CFL2: variants seen among roughly 807,000 people sequenced by gnomAD.
The protein encoded by CFL2 is cofilin 2, also known as cofilin-2.
Under a neutral mutation model 19.6 loss-of-function variants are expected in CFL2, and 10 were observed. That is an observed-to-expected ratio of 0.51 (90% CI 0.31 to 0.86). CFL2 has a LOEUF of 0.86. CFL2 is among the 40% of genes least tolerant of loss of function. The pLI is 0.04. For missense variants in CFL2, 125 were observed against 192.1 expected, an observed-to-expected ratio of 0.65 and a Z score of 2.06; for synonymous variants, 63 against 66.7, an observed-to-expected ratio of 0.95 and a Z score of 0.27.
intron 1 of CFL2, 70 bp from the exon 2 acceptor site, chr14:34,713,631 G>T (rs776037605): frequency 6.2e-7 from 1 of 1,613,934 alleles, no homozygotes; most frequent in East Asian, 2.2e-5. Flanking sequence ...TGTTTGCCTA[G>T]AGAAGACTCA....
In CFL2 at chr14:34,714,552, C is replaced by T. The variant is rs777814896; in HGVS notation, c.-12G>A. On this transcript the variant is annotated 5_prime_UTR_variant, in exon 1 of 4. Transcript: ENST00000298159. ...GCTCGTCTTACCATAGTGCCCTCGG[C>T]TGTGGCTGCGGCGGCAGCTCGGGCT... 9 of 1,587,234 alleles carry T rather than the reference C, an allele frequency of 5.7e-6. No homozygotes were observed. In the Admixed American group the frequency reaches 8.6e-5, roughly 15 times the overall value.
intron 1 of CFL2, chr14:34,713,842 G>C: frequency 6.5e-7 from 1 of 1,544,388 alleles, no homozygotes; most frequent in Non-Finnish European, 8.7e-7. Flanking sequence ...ATTTCACTGG[G>C]TGATGTCAGA....
rs994516136 is a variant in CFL2, at chr14:34,710,197, A to C, written c.*2668T>G. On this transcript the variant is annotated 3_prime_UTR_variant, in exon 4 of 4. Coordinates refer to ENST00000298159, the MANE Select transcript of CFL2 (RefSeq NM_138638.5). ...AATGCTGGCCACACTATTTTAGATA[A>C]TGATGGAAAACAACAGCTGATAGCC... The C allele has an allele frequency of 5.3e-6, 1 of 188,442 alleles. No individual in the cohort carries two copies. The highest frequency in any genetic ancestry group is 2.4e-5 in the African/African-American group (1 of 41,754). 11.7% of individuals were successfully genotyped at this position (188,442 alleles called of 1,614,324 possible).
chr14:34,711,599 C>A lies in CFL2; in HGVS notation c.*1266G>T, dbSNP rs964377781. On this transcript the variant is annotated 3_prime_UTR_variant, in exon 4 of 4. Transcript: ENST00000298159. ...ATTTTACAAATTATTTTCATTACGACCAAATAAGCAATAAGAGCTTCCTGC... is the reference window on the plus strand; with the variant it reads ...ATTTTACAAATTATTTTCATTACGAACAAATAAGCAATAAGAGCTTCCTGC... 1 of 453,538 alleles carries A rather than the reference C, an allele frequency of 2.2e-6. No homozygotes were observed. The highest frequency in any genetic ancestry group is 4.4e-6 in the Non-Finnish European group (1 of 226,334). The allele number at this position is 453,538 out of a possible 1,614,324, so 28.1% of individuals were successfully genotyped here. A position where few individuals can be genotyped will look rare whatever the true frequency, so the allele number is the denominator to read the frequency against.
In CFL2 at chr14:34,711,264, C is replaced by A; in HGVS notation, c.*1601G>T. ...GGGTTAAGTTCTGAGCCACGACTGA[C>A]TGCTTACTAGCATGCCTGTTTTGCA... On this transcript the variant is annotated 3_prime_UTR_variant, in exon 4 of 4. Transcript: ENST00000298159. 1 of 454,534 alleles carries A rather than the reference C, an allele frequency of 2.2e-6. No individual in the cohort carries two copies. Among genetic ancestry groups the A allele is most frequent in the Non-Finnish European group, 4.4e-6 (1 of 226,796 alleles). The allele number at this position is 454,534 out of a possible 1,614,324, so 28.2% of individuals were successfully genotyped here.
intron 1 of CFL2, chr14:34,713,922 G>A (rs1885407118): frequency 9.7e-7 from 1 of 1,035,294 alleles, no homozygotes; most frequent in Middle Eastern, 3.2e-4. Flanking sequence ...AAACACTTTT[G>A]GATTTCAGTT....
rs1199776677 is a variant in CFL2, at chr14:34,711,747, C to T, written c.*1118G>A. The T allele has an allele frequency of 2.3e-6, 1 of 442,334 alleles. No individual in the cohort carries two copies. Among genetic ancestry groups the T allele is most frequent in the Non-Finnish European group, 4.5e-6 (1 of 223,656 alleles). The allele number at this position is 442,334 out of a possible 1,614,324, so 27.4% of individuals were successfully genotyped here. ...CAAAGTGCAAAAAATAATTTCTGAT[C>T]TTCATATTAACACATAGGAAATAAA... On this transcript the variant is annotated 3_prime_UTR_variant, in exon 4 of 4. Coordinates refer to ENST00000298159, the MANE Select transcript of CFL2 (RefSeq NM_138638.5).
At position 34,711,771 on chromosome 14, in the gene CFL2, A is replaced by C. The variant is rs766852757; in HGVS notation, c.*1094T>G. The C allele has an allele frequency of 4.3e-5, 19 of 443,936 alleles. 1 individual carries two copies. The highest frequency in any genetic ancestry group is 3.1e-4 in the South Asian group (19 of 61,378). 27.5% of individuals were successfully genotyped at this position (443,936 alleles called of 1,614,324 possible). A position where few individuals can be genotyped will look rare whatever the true frequency, so the allele number is the denominator to read the frequency against. On this transcript the variant is annotated 3_prime_UTR_variant, in exon 4 of 4. Transcript: ENST00000298159. ...TCTTCATATTAACACATAGGAAATA[A>C]ATACACTAATGTTTATAAAAGTACC... is the stretch of plus-strand genomic sequence containing the variant.
In CFL2 at chr14:34,711,882, TCA is replaced by T. The variant is rs1478057145; in HGVS notation, c.*981_*982del. The T allele has an allele frequency of 6.6e-6, 3 of 454,292 alleles. No individual in the cohort carries two copies. The highest frequency in any genetic ancestry group is 1.3e-5 in the Non-Finnish European group (3 of 226,750). 28.1% of individuals were successfully genotyped at this position (454,292 alleles called of 1,614,324 possible). Reference sequence around the variant, plus strand: ...ATAGATCCAACAAATCTGGAAAATATCACACATGAATGCTGTACAAAAAAAAT... The same window carrying T: ...ATAGATCCAACAAATCTGGAAAATATCACATGAATGCTGTACAAAAAAAAT... On this transcript the variant is annotated 3_prime_UTR_variant, in exon 4 of 4. Coordinates refer to ENST00000298159, the MANE Select transcript of CFL2 (RefSeq NM_138638.5).
At chr14:34,714,089 G>C in intron 1 of CFL2, 1 of 371,758 alleles carries the variant, frequency 2.7e-6, no homozygotes, top group East Asian at 5.2e-5. Flanking sequence ...AAGCTTTTAC[G>C]GCGAGAAAGC....
Position 34,713,573 on chromosome 14 carries a change from C to T in CFL2, c.4-12G>A. The stretch of plus-strand genomic sequence containing the variant: ...GTAACTCCAGAAGCCTGAAAATAAA[C>T]ACAGAACAGTAATTCAGAACACGTA... On this transcript the variant is annotated splice_polypyrimidine_tract_variant and intron_variant, in intron 1 of 3. Coordinates refer to ENST00000298159, the MANE Select transcript of CFL2 (RefSeq NM_138638.5). 2 of 1,614,052 alleles carry T rather than the reference C, an allele frequency of 1.2e-6. No homozygotes were observed. The highest frequency in any genetic ancestry group is 1.7e-6 in the Non-Finnish European group (2 of 1,180,000).
chr14:34,709,145 CTACT>C lies in CFL2; in HGVS notation c.*3716_*3719del, dbSNP rs1186497625. 1 of 152,026 alleles carries C rather than the reference CTACT, an allele frequency of 6.6e-6. No homozygotes were observed. Among genetic ancestry groups the C allele is most frequent in the East Asian group, 1.9e-4 (1 of 5,184 alleles). The allele number at this position is 152,026 out of a possible 1,614,324, so 9.4% of individuals were successfully genotyped here. Reference sequence around the variant, plus strand: ...TTTAACAAAAACATTTAATATTTATCTACTTACATACAGTAATTAAGAATGAATA... The same window carrying C: ...TTTAACAAAAACATTTAATATTTATCTACATACAGTAATTAAGAATGAATA... On this transcript the variant is annotated 3_prime_UTR_variant, in exon 4 of 4. Transcript: ENST00000298159.
intron 1 of CFL2, chr14:34,714,302 G>T: frequency 2.3e-6 from 1 of 432,770 alleles, no homozygotes; most frequent in Non-Finnish European, 3.8e-6. Context: ...GCCCGGCCCC[G>T]ACCCCCAACC....
chr14:34,713,231 T>C (rs1885375899), intron 2 of CFL2, 23 bp downstream of exon 2: 11 of 1,604,218 alleles, frequency 6.9e-6, no homozygotes, highest in Non-Finnish European at 9.4e-6. Flanking sequence ...TTAAAAGTAC[T>C]TTTTTCTTTT....
At position 34,712,461 on chromosome 14, in the gene CFL2, AG is replaced by A. The variant is rs1272466849; in HGVS notation, c.*403del. The A allele has an allele frequency of 6.6e-6, 3 of 456,592 alleles. No homozygotes were observed. The highest frequency in any genetic ancestry group is 1.3e-5 in the Non-Finnish European group (3 of 228,336). The allele number at this position is 456,592 out of a possible 1,614,324, so 28.3% of individuals were successfully genotyped here. On this transcript the variant is annotated 3_prime_UTR_variant, in exon 4 of 4. Coordinates refer to ENST00000298159, the MANE Select transcript of CFL2 (RefSeq NM_138638.5). The stretch of plus-strand genomic sequence containing the variant: ...CTCAAGCCTCACAGAACTGCAATCA[AG>A]TGCCAACTATAAATAATACTGAAAA...
At position 34,709,626 on chromosome 14, in the gene CFL2, A is replaced by AG. The variant is rs1885218625; in HGVS notation, c.*3238_*3239insC. ...TCAGTCTCTACAAAAGAGATACAAA[A>AG]AAAAAAAAAAAAAAAATTAGGCATG... is the stretch of plus-strand genomic sequence containing the variant. On this transcript the variant is annotated 3_prime_UTR_variant, in exon 4 of 4. Transcript: ENST00000298159. The AG allele has an allele frequency of 6.7e-6, 1 of 149,574 alleles. No homozygotes were observed. Among genetic ancestry groups the AG allele is most frequent in the Admixed American group, 6.7e-5 (1 of 14,944 alleles). 9.3% of individuals were successfully genotyped at this position (149,574 alleles called of 1,614,324 possible).
rs1885210777 is a variant in CFL2, at chr14:34,709,352, G to T, written c.*3513C>A. The T allele has an allele frequency of 6.6e-6, 1 of 152,042 alleles. No individual in the cohort carries two copies. 9.4% of individuals were successfully genotyped at this position (152,042 alleles called of 1,614,324 possible). A position where few individuals can be genotyped will look rare whatever the true frequency, so the allele number is the denominator to read the frequency against. On this transcript the variant is annotated 3_prime_UTR_variant, in exon 4 of 4. Transcript: ENST00000298159. The stretch of plus-strand genomic sequence containing the variant: ...TTATGAGAGGAAATTTAAGTGGAGG[G>T]ATGATTCCTCTACTTCTACATGGAA...
chr14:34,710,394 T>C lies in CFL2; in HGVS notation c.*2471A>G. On this transcript the variant is annotated 3_prime_UTR_variant, in exon 4 of 4. Transcript: ENST00000298159. ...GCCTCTTTGATCTGAAATACCAGTT[T>C]TTAAACTTTTAATGTTCTGAAGTAT... is the stretch of plus-strand genomic sequence containing the variant. 3.4e-6 allele frequency: 1 copy of C among 297,992 alleles called. No individual in the cohort carries two copies. Among genetic ancestry groups the C allele is most frequent in the Non-Finnish European group, 6.7e-6 (1 of 149,406 alleles). 18.5% of individuals were successfully genotyped at this position (297,992 alleles called of 1,614,324 possible). A position where few individuals can be genotyped will look rare whatever the true frequency, so the allele number is the denominator to read the frequency against.
At position 34,713,040 on chromosome 14, in the gene CFL2, C is replaced by A; in HGVS notation, c.388+20G>T. 1 of 1,562,238 alleles carries A rather than the reference C, an allele frequency of 6.4e-7. No individual in the cohort carries two copies. Among genetic ancestry groups the A allele is most frequent in the East Asian group, 2.4e-5 (1 of 41,502 alleles). Reference sequence around the variant, plus strand: ...ATTAATAAAGAATAATTTCTCTGCCCCAAATATTCAAGTTTGTACCTGTAA... The same window carrying A: ...ATTAATAAAGAATAATTTCTCTGCCACAAATATTCAAGTTTGTACCTGTAA... On this transcript the variant is annotated intron_variant, in intron 3 of 3. Coordinates refer to ENST00000298159, the MANE Select transcript of CFL2 (RefSeq NM_138638.5).
Sources: gnomAD v4.1 joint callset for allele counts on GRCh38, gnomAD v4.1.1 for gene constraint, MANE v1.5 for transcripts, NCBI Gene and HGNC (gene_info 2026-07-23, HGNC 2026-07-21) for gene names.